DIAPH1: variants seen among roughly 807,000 people sequenced by gnomAD.
DIAPH1 encodes the protein protein diaphanous homolog 1.
Under a neutral mutation model 140.7 loss-of-function variants are expected in DIAPH1, and 46 were observed. The observed-to-expected ratio is 0.33, with a 90% CI of 0.26 to 0.42. The LOEUF (loss-of-function observed/expected upper bound fraction) is 0.42. Among genes scored for constraint, DIAPH1 ranks in the 10% least tolerant of loss-of-function variants. The probability of loss-of-function intolerance (pLI) is 1.00; values close to 1 mark genes in which losing one functional copy is unlikely to be tolerated. For missense variants in DIAPH1, 1,310 were observed against 1,558.7 expected, an observed-to-expected ratio of 0.84 and a Z score of 2.69; for synonymous variants, 565 against 551.6, an observed-to-expected ratio of 1.02 and a Z score of -0.34.
chr5:141,540,665 C>A (rs565703492), intron 18 of DIAPH1, among the ~76,000 whole-genome samples: 26 of 152,000 alleles, frequency 1.7e-4, no homozygotes, highest in African/African-American at 5.1e-4. Flanking sequence ...ATCCACTCAC[C>A]TTGGCCTCCC....
intron 18 of DIAPH1, among the ~76,000 whole-genome samples, chr5:141,569,509 T>A (rs1177212019): frequency 6.6e-6 from 1 of 152,172 alleles, no homozygotes; most frequent in Non-Finnish European, 1.5e-5. Flanking sequence ...ATGCCTGTAA[T>A]CCCAGCACTT....
rs876657776 is a variant in DIAPH1 at position 141,524,167 on chromosome 5, G to A, written c.3637C>T (p.Arg1213Ter). 1.9e-6 allele frequency: 3 copies of A among 1,614,078 alleles called. No homozygotes were observed. Among genetic ancestry groups the A allele is most frequent in the Non-Finnish European group, 2.5e-6 (3 of 1,180,010 alleles). ...CCTTGACGGGGCCCTCTCTTCCGTCGGAATGCTGCCCCTGACTGCAGGGCT... is the reference window on the plus strand; with the variant it reads ...CCTTGACGGGGCCCTCTCTTCCGTCAGAATGCTGCCCCTGACTGCAGGGCT... ...LEALQSGAAF[R>*]RKRGPRQANR... is the part of the protein sequence containing the mutation. Residue 1213 changes from arginine (R) to a stop codon, truncating the protein, a stop_gained, in exon 27 of 28, where the codon CGA (arginine) becomes TGA (stop). Transcript: ENST00000389054. LOFTEE classifies it high-confidence loss of function.
chr5:141,598,244 T>C (rs530662284), intron 1 of DIAPH1, among the ~76,000 whole-genome samples: 1 of 152,354 alleles, frequency 6.6e-6, no homozygotes, highest in Admixed American at 6.5e-5. Context: ...AAATAATTAT[T>C]AATGAAAACA....
chr5:141,557,218 GGTA>G (rs2099892750), intron 18 of DIAPH1, among the ~76,000 whole-genome samples: 2 of 152,076 alleles, frequency 1.3e-5, no homozygotes, highest in Non-Finnish European at 1.5e-5. Flanking sequence ...ATGTGATAAT[GGTA>G]GTAATTATCT....
intron 19 of DIAPH1, among the ~76,000 whole-genome samples, chr5:141,533,664 T>G (rs768084491): frequency 6.6e-6 from 1 of 152,070 alleles, no homozygotes. Context: ...CTGGGCAACA[T>G]AGCGAGACCC....
chr5:141,521,001 T>A (rs1044279300), intron 27 of DIAPH1, among the ~76,000 whole-genome samples: 1 of 152,074 alleles, frequency 6.6e-6, no homozygotes, highest in East Asian at 1.9e-4. Flanking sequence ...CCTGGGTTCA[T>A]GCCATTCTCC....
intron 18 of DIAPH1, among the ~76,000 whole-genome samples, chr5:141,569,191 C>CA (rs571365491): frequency 7.4e-4 from 113 of 152,138 alleles, no homozygotes; most frequent in African/African-American, 2.7e-3. Context: ...TACACACTTC[C>CA]TAAGAAGTAG....
rs553657656 is a variant in DIAPH1 at position 141,581,022 on chromosome 5, G to A, written c.685-139C>T. On this transcript the variant is annotated intron_variant, in intron 7 of 27. Transcript: ENST00000389054. ...GTCCCAACCCCCAGTACCTCAAAAT[G>A]TAACCTCATCTGGAAATATACTCAT... 7.5e-6 allele frequency: 7 copies of A among 934,830 alleles called. No homozygotes were observed. The South Asian group carries it at 9.7e-5, about 13-fold the overall frequency. The allele number at this position is 934,830 out of a possible 1,614,324, so 57.9% of individuals were successfully genotyped here. A position where few individuals can be genotyped will look rare whatever the true frequency, so the allele number is the denominator to read the frequency against.
chr5:141,537,002 T>C (rs1460888446), intron 18 of DIAPH1, among the ~76,000 whole-genome samples: 2 of 151,840 alleles, frequency 1.3e-5, no homozygotes, highest in Non-Finnish European at 2.9e-5. Context: ...AGACCCTGTC[T>C]CCATTTAAAA....
chr5:141,528,460 G>A lies in DIAPH1; in HGVS notation c.3141C>T (p.Ala1047=). ...CATTCCAAACTGCCCCACCTCGGCT[G>A]GCTTTCTCCACATGGGCAAGCTCGT... ...FPDELAHVEK[A]SRVSAENLQK... is the part of the protein sequence containing the mutation. The change falls in exon 23 of 28, where the codon GCC becomes GCT. Residue 1047 remains alanine, a synonymous_variant. Coordinates refer to ENST00000389054, the MANE Select transcript of DIAPH1 (RefSeq NM_005219.5). 6.2e-7 allele frequency: 1 copy of A among 1,614,172 alleles called. No individual in the cohort carries two copies. Among genetic ancestry groups the A allele is most frequent in the South Asian group, 1.1e-5 (1 of 91,084 alleles).
intron 12 of DIAPH1, among the ~76,000 whole-genome samples, chr5:141,577,087 C>T (rs911916910): frequency 9.9e-5 from 15 of 152,190 alleles, no homozygotes; most frequent in African/African-American, 3.6e-4. Flanking sequence ...TTCTTGCCAT[C>T]CGCTCCTAGT....
Position 141,574,055 on chromosome 5 carries a change from G to A in DIAPH1, c.1795C>T (p.Pro599Ser), listed in dbSNP as rs372170639. The change falls in exon 16 of 28, where the codon CCA becomes TCA. Residue 599 changes from proline (P) to serine (S), a missense_variant. This residue lies in a region of DIAPH1 where 589 missense variants were observed against 549.3 expected (regional missense o/e 1.07). Transcript: ENST00000389054. The part of the protein sequence containing the change: ...PGDSGTIIPP[P>S]PAPGDSTTPP... ...GTGGTACTATCCCCAGGAGCAGGTGGTGGTGGAATAATAGTGCCAGAGTCA... is the reference window on the plus strand; with the variant it reads ...GTGGTACTATCCCCAGGAGCAGGTGATGGTGGAATAATAGTGCCAGAGTCA... 3.7e-6 allele frequency: 6 copies of A among 1,603,482 alleles called. No homozygotes were observed. Among genetic ancestry groups the A allele is most frequent in the African/African-American group, 2.7e-5 (2 of 74,718 alleles).
intron 1 of DIAPH1, among the ~76,000 whole-genome samples, chr5:141,604,548 T>G (rs905688045): frequency 1.2e-4 from 19 of 152,196 alleles, no homozygotes; most frequent in African/African-American, 4.6e-4. Context: ...ACATCTACTC[T>G]TCCTCAAGGG....
chr5:141,579,238 G>T, intron 8 of DIAPH1, 42 bp from the exon 9 acceptor site: 1 of 1,455,770 alleles, frequency 6.9e-7, no homozygotes, highest in Non-Finnish European at 9.7e-7. Context: ...TCCAGGTACT[G>T]TGACACGGAC....
intron 1 of DIAPH1, among the ~76,000 whole-genome samples, chr5:141,597,081 A>G (rs546115330): frequency 2.6e-5 from 4 of 152,338 alleles, no homozygotes; most frequent in African/African-American, 4.8e-5. Context: ...CCAGTTTGGG[A>G]GGACCAATAT....
chr5:141,530,077 C>T (rs986713065), intron 19 of DIAPH1, among the ~76,000 whole-genome samples: 4 of 152,088 alleles, frequency 2.6e-5, no homozygotes, highest in Admixed American at 6.6e-5. Context: ...GAGCGAGACC[C>T]GTCTCAAAAA....
chr5:141,580,022 C>T (rs2099896516), intron 8 of DIAPH1, among the ~76,000 whole-genome samples: 1 of 149,826 alleles, frequency 6.7e-6, no homozygotes, highest in South Asian at 2.1e-4. Context: ...ATAGGCCATA[C>T]ATACATGTAT....
intron 1 of DIAPH1, among the ~76,000 whole-genome samples, chr5:141,602,417 G>A (rs757721880): frequency 1.2e-4 from 18 of 152,144 alleles, no homozygotes; most frequent in Non-Finnish European, 2.2e-4. Flanking sequence ...GGGTTTCACC[G>A]TATTAGCCAG....
At chr5:141,579,808 C>T (rs1464058052) in intron 8 of DIAPH1, among the ~76,000 whole-genome samples, 1 of 151,864 alleles carries the variant, frequency 6.6e-6, no homozygotes, top group Admixed American at 6.6e-5. Flanking sequence ...ATTAGCCAGG[C>T]GTGGTGGCGG....
Sources: gnomAD v4.1 joint callset for allele counts (sites outside exome capture counted in the v4.1 genomes callset) on GRCh38, gnomAD v4.1.1 for gene constraint, gnomAD v4.1.1 regional missense constraint, MANE v1.5 for transcripts, NCBI Gene and HGNC (gene_info 2026-07-23, HGNC 2026-07-21) for gene names.